Variants in CACNB4 observed in about 807,000 individuals in gnomAD.
CACNB4 encodes calcium voltage-gated channel auxiliary subunit beta 4, also known as voltage-dependent L-type calcium channel subunit beta-4.
Under a neutral mutation model 71.2 loss-of-function variants are expected in CACNB4, and 32 were observed. That is an observed-to-expected ratio of 0.45 (90% CI 0.34 to 0.60). The LOEUF (loss-of-function observed/expected upper bound fraction) is 0.60. Among genes scored for constraint, CACNB4 ranks in the 20% least tolerant of loss-of-function variants. The pLI, the probability that CACNB4 is intolerant of heterozygous loss-of-function variation, is 0.01. For synonymous variants in CACNB4, 231 were observed against 236.9 expected, an observed-to-expected ratio of 0.97 and a Z score of 0.23; for missense variants, 464 against 647.9, an observed-to-expected ratio of 0.72 and a Z score of 3.08.
At chr2:152,056,553 G>A (rs569682173) in intron 2 of CACNB4, among the ~76,000 whole-genome samples, 9 of 152,168 alleles carry the variant, frequency 5.9e-5, no homozygotes, top group East Asian at 3.9e-4. Context: ...CTGCTCACAC[G>A]GGAAGACCTA....
chr2:151,867,660 C>T (rs764784090), intron 9 of CACNB4: 1 of 152,162 alleles, frequency 6.6e-6, no homozygotes, highest in South Asian at 2.1e-4. Flanking sequence ...ATTATTGATT[C>T]AACAAATTCT....
intron 5 of CACNB4, chr2:151,874,063 A>G (rs763097152): frequency 5.3e-5 from 8 of 152,338 alleles, no homozygotes; most frequent in Non-Finnish European, 1.2e-4. Flanking sequence ...TTCTGCTACC[A>G]GTAAAATCTC....
chr2:152,037,747 G>A (rs1467083870), intron 2 of CACNB4, among the ~76,000 whole-genome samples: 1 of 152,184 alleles, frequency 6.6e-6, no homozygotes, highest in Non-Finnish European at 1.5e-5. Flanking sequence ...GGGAGACATG[G>A]CCTCCCTCTG....
At chr2:151,848,740 G>A (rs893440139) in intron 12 of CACNB4, among the ~76,000 whole-genome samples, 1 of 152,036 alleles carries the variant, frequency 6.6e-6, no homozygotes, top group Admixed American at 6.5e-5. Context: ...ACAGCCACAG[G>A]GTCAGCTTTG....
chr2:151,932,824 T>TAAA (rs34714238), intron 2 of CACNB4, among the ~76,000 whole-genome samples: 1 of 69,894 alleles, frequency 1.4e-5, no homozygotes. Flanking sequence ...AGACTGGATC[T>TAAA]AAAAAAAAAA....
chr2:151,945,875 TAAA>T (rs34099714), intron 2 of CACNB4, among the ~76,000 whole-genome samples: 96 of 135,036 alleles, frequency 7.1e-4, no homozygotes, highest in Non-Finnish European at 7.3e-4. Flanking sequence ...ACCCTGTCTT[TAAA>T]AAAAAAAAAA....
At chr2:152,017,049 C>T (rs541525032) in intron 2 of CACNB4, among the ~76,000 whole-genome samples, 1 of 141,734 alleles carries the variant, frequency 7.1e-6, no homozygotes, top group Admixed American at 6.7e-5. Context: ...CACTAGGCTT[C>T]CTTCTCCAGG....
intron 9 of CACNB4, chr2:151,868,340 T>C (rs1316355039): frequency 6.6e-6 from 1 of 152,188 alleles, no homozygotes; most frequent in Non-Finnish European, 1.5e-5. Flanking sequence ...TTGCCCATAC[T>C]TTTTGATGCA....
intron 2 of CACNB4, among the ~76,000 whole-genome samples, chr2:151,916,841 G>C (rs1362832223): frequency 6.6e-6 from 1 of 152,188 alleles, no homozygotes; most frequent in Non-Finnish European, 1.5e-5. Flanking sequence ...CAATTGGGAG[G>C]AGGAGTTGGT....
intron 2 of CACNB4, among the ~76,000 whole-genome samples, chr2:151,962,638 A>G (rs2099869956): frequency 6.6e-6 from 1 of 152,268 alleles, no homozygotes; most frequent in African/African-American, 2.4e-5. Flanking sequence ...ACAAATCATG[A>G]GAACACTAAC....
At chr2:151,948,415 C>G (rs148325156) in intron 2 of CACNB4, among the ~76,000 whole-genome samples, 15 of 152,346 alleles carry the variant, frequency 9.8e-5, no homozygotes, top group Admixed American at 5.9e-4. Context: ...AATCCCAACA[C>G]TTTGGAGGCC....
intron 2 of CACNB4, among the ~76,000 whole-genome samples, chr2:152,015,030 T>A (rs1683266200): frequency 1.3e-5 from 2 of 152,212 alleles, no homozygotes; most frequent in African/African-American, 4.8e-5. Flanking sequence ...AGCTTCCTAA[T>A]TCTAGAAAGA....
intron 2 of CACNB4, among the ~76,000 whole-genome samples, chr2:152,016,768 G>A (rs1213658036): frequency 6.6e-6 from 1 of 152,124 alleles, no homozygotes; most frequent in East Asian, 1.9e-4. Context: ...ACTGTGCTTC[G>A]GATAAGCCAC....
intron 2 of CACNB4, among the ~76,000 whole-genome samples, chr2:151,942,037 T>C (rs1319477330): frequency 6.7e-6 from 1 of 150,062 alleles, no homozygotes; most frequent in Non-Finnish European, 1.5e-5. Context: ...AAGTCAGCTA[T>C]AAGAAATGCT....
intron 2 of CACNB4, among the ~76,000 whole-genome samples, chr2:151,915,808 T>TA (rs1251018422): frequency 7.7e-6 from 1 of 129,248 alleles, no homozygotes; most frequent in Non-Finnish European, 1.5e-5. Context: ...GATTGCGCCA[T>TA]AGCACTCCAG....
chr2:151,886,666 T>C (rs181823026), intron 2 of CACNB4, among the ~76,000 whole-genome samples: 3 of 152,346 alleles, frequency 2.0e-5, no homozygotes, highest in Admixed American at 2.0e-4. Flanking sequence ...GTTTATATCA[T>C]TACAACATTT....
At chr2:152,047,946 G>A (rs969707422) in intron 2 of CACNB4, among the ~76,000 whole-genome samples, 2 of 152,112 alleles carry the variant, frequency 1.3e-5, no homozygotes, top group African/African-American at 4.8e-5. Context: ...GTAAGCTATT[G>A]GAGAGTTCAG....
intron 12 of CACNB4, among the ~76,000 whole-genome samples, chr2:151,843,584 G>A (rs1394188877): frequency 6.6e-6 from 1 of 152,136 alleles, no homozygotes; most frequent in Non-Finnish European, 1.5e-5. Context: ...CCAAAGTGCT[G>A]GGATTACAGA....
intron 2 of CACNB4, among the ~76,000 whole-genome samples, chr2:152,085,141 C>T (rs1687583940): frequency 6.6e-6 from 1 of 151,952 alleles, no homozygotes; most frequent in South Asian, 2.1e-4. Context: ...GAAGGAATGG[C>T]ATGATCAAGG....
Sources: allele counts gnomAD v4.1 joint callset (sites outside exome capture counted in the v4.1 genomes callset), GRCh38; gene constraint gnomAD v4.1.1; transcripts MANE v1.5; gene names NCBI Gene and HGNC (gene_info 2026-07-23, HGNC 2026-07-21).